PPP4R2: variants seen among roughly 807,000 people sequenced by gnomAD.
PPP4R2 encodes protein phosphatase 4 regulatory subunit 2, also known as serine/threonine-protein phosphatase 4 regulatory subunit 2.
A neutral mutation model predicts 47.2 loss-of-function variants in PPP4R2; 13 were observed. That is an observed-to-expected ratio of 0.28 (90% CI 0.18 to 0.44). The LOEUF is 0.44. PPP4R2 is among the 20% of genes least tolerant of loss of function. PPP4R2 has a pLI of 1.00. For synonymous variants in PPP4R2, 151 were observed against 163.3 expected, an observed-to-expected ratio of 0.92 and a Z score of 0.57; for missense variants, 421 against 491.2, an observed-to-expected ratio of 0.86 and a Z score of 1.35.
At chr3:73,018,010 C>G (rs1465243482) in intron 2 of PPP4R2, among the ~76,000 whole-genome samples, 1 of 152,120 alleles carries the variant, frequency 6.6e-6, no homozygotes, top group Non-Finnish European at 1.5e-5. Context: ...GGTAAACTGG[C>G]TGGGACACTG....
At position 73,065,732 on chromosome 3, in the gene PPP4R2, A is replaced by C. The variant is rs760968120; in HGVS notation, c.*10A>C. ...AATGGAACAAGACTAACTATTTAGAAACATTTAGATGCAGTATTTTACATA... is the reference window on the plus strand; with the variant it reads ...AATGGAACAAGACTAACTATTTAGACACATTTAGATGCAGTATTTTACATA... On this transcript the variant is annotated 3_prime_UTR_variant, in exon 9 of 9. Coordinates refer to ENST00000356692, the MANE Select transcript of PPP4R2 (RefSeq NM_174907.4). 6.4e-7 allele frequency: 1 copy of C among 1,568,388 alleles called. No individual in the cohort carries two copies. Among genetic ancestry groups the C allele is most frequent in the South Asian group, 1.2e-5 (1 of 86,586 alleles).
chr3:73,062,281 G>A, intron 5 of PPP4R2: 1 of 1,607,956 alleles, frequency 6.2e-7, no homozygotes, highest in Non-Finnish European at 8.5e-7. Flanking sequence ...GCAATGGACA[G>A]GAGTGGGCTC....
intron 2 of PPP4R2, among the ~76,000 whole-genome samples, chr3:73,007,810 G>A (rs1384495504): frequency 1.3e-5 from 2 of 152,028 alleles, no homozygotes; most frequent in African/African-American, 4.8e-5. Context: ...TCTTAAGAGG[G>A]AATTTTGTTT....
Position 72,997,003 on chromosome 3 carries a change from A to AG in PPP4R2, c.-32dup. The AG allele has an allele frequency of 7.4e-7, 1 of 1,353,210 alleles. No homozygotes were observed. The highest frequency in any genetic ancestry group is 9.6e-7 in the Non-Finnish European group (1 of 1,037,688). 83.8% of individuals were successfully genotyped at this position (1,353,210 alleles called of 1,614,324 possible). A position where few individuals can be genotyped will look rare whatever the true frequency, so the allele number is the denominator to read the frequency against. Reference sequence around the variant, plus strand: ...GTTCCGGTCCCCAAGAGACCCGCGGAGGGAGGCGGAGGCTGTGAGGGACTC... The same window carrying AG: ...GTTCCGGTCCCCAAGAGACCCGCGGAGGGGAGGCGGAGGCTGTGAGGGACTC... On this transcript the variant is annotated 5_prime_UTR_variant, in exon 1 of 9. Coordinates refer to ENST00000356692, the MANE Select transcript of PPP4R2 (RefSeq NM_174907.4).
At chr3:73,055,688 TCTCA>T (rs1316557624) in intron 3 of PPP4R2, among the ~76,000 whole-genome samples, 1 of 148,342 alleles carries the variant, frequency 6.7e-6, no homozygotes, top group Non-Finnish European at 1.5e-5. Context: ...TTGGAGACAG[TCTCA>T]CTCTTATCAC....
chr3:72,997,204 C>T (rs901217541), intron 1 of PPP4R2, 133 bp downstream of exon 1: 6 of 604,642 alleles, frequency 9.9e-6, no homozygotes, highest in African/African-American at 3.8e-5. Flanking sequence ...TCCCATCCCC[C>T]TCCACCTCCC....
intron 2 of PPP4R2, among the ~76,000 whole-genome samples, chr3:73,032,501 A>G (rs1012002441): frequency 6.6e-6 from 1 of 151,976 alleles, no homozygotes; most frequent in East Asian, 1.9e-4. Flanking sequence ...GTTGGCCAGG[A>G]TGGTCTTGAT....
intron 2 of PPP4R2, among the ~76,000 whole-genome samples, chr3:73,004,117 T>C (rs1701542970): frequency 6.6e-6 from 1 of 152,136 alleles, no homozygotes; most frequent in Non-Finnish European, 1.5e-5. Context: ...ATTACAGGCA[T>C]GAGCCACTGC....
intron 3 of PPP4R2, among the ~76,000 whole-genome samples, chr3:73,054,947 G>A (rs1162352882): frequency 6.6e-6 from 1 of 152,000 alleles, no homozygotes; most frequent in Non-Finnish European, 1.5e-5. Context: ...GTCTTTCCCT[G>A]ATATTCAGCA....
At chr3:73,045,322 C>T (rs764090124) in intron 2 of PPP4R2, among the ~76,000 whole-genome samples, 6 of 151,862 alleles carry the variant, frequency 4.0e-5, no homozygotes, top group African/African-American at 9.7e-5. Context: ...ATTTTTATGT[C>T]GACACTGGTT....
intron 3 of PPP4R2, among the ~76,000 whole-genome samples, chr3:73,050,911 C>CT (rs1702598280): frequency 1.3e-5 from 2 of 151,920 alleles, no homozygotes; most frequent in Non-Finnish European, 2.9e-5. Context: ...TAGATTGTTG[C>CT]CTTTTTTTTA....
intron 2 of PPP4R2, among the ~76,000 whole-genome samples, chr3:73,040,605 A>G (rs942962170): frequency 1.3e-5 from 2 of 150,468 alleles, no homozygotes; most frequent in South Asian, 2.1e-4. Context: ...CCTGGGTTCA[A>G]GCGATTCTTC....
chr3:73,032,631 T>C (rs762369970), intron 2 of PPP4R2, among the ~76,000 whole-genome samples: 1 of 152,200 alleles, frequency 6.6e-6, no homozygotes, highest in Non-Finnish European at 1.5e-5. Context: ...AGTTACTTTT[T>C]CTCTTAATTT....
intron 2 of PPP4R2, among the ~76,000 whole-genome samples, chr3:73,017,314 A>G (rs971392502): frequency 1.3e-5 from 2 of 151,468 alleles, no homozygotes; most frequent in Admixed American, 1.3e-4. Context: ...AGGTAACCAT[A>G]GAGGTATACC....
intron 2 of PPP4R2, among the ~76,000 whole-genome samples, chr3:73,034,976 A>C (rs1702236518): frequency 6.6e-6 from 1 of 152,234 alleles, no homozygotes; most frequent in Non-Finnish European, 1.5e-5. Flanking sequence ...GCTTCCGCAC[A>C]AGGGAAGAGT....
intron 2 of PPP4R2, among the ~76,000 whole-genome samples, chr3:73,010,558 C>A (rs1054501419): frequency 3.3e-5 from 4 of 121,744 alleles, no homozygotes; most frequent in African/African-American, 1.3e-4. Flanking sequence ...TTGTCTCTCT[C>A]GCTCTCTTTT....
chr3:73,062,069 A>T (rs753124726), intron 5 of PPP4R2: 1 of 1,513,492 alleles, frequency 6.6e-7, no homozygotes, highest in Non-Finnish European at 8.9e-7. Flanking sequence ...GAGTCAAGTC[A>T]TAGCGACTAA....
intron 2 of PPP4R2, among the ~76,000 whole-genome samples, chr3:73,003,442 G>C (rs761269933): frequency 1.1e-4 from 16 of 151,728 alleles, no homozygotes; most frequent in Admixed American, 2.0e-4. Flanking sequence ...CGAACTCCTG[G>C]CCTCAAGTGA....
chr3:72,997,530 C>T (rs192939437), intron 1 of PPP4R2: 19 of 168,568 alleles, frequency 1.1e-4, no homozygotes, highest in African/African-American at 4.5e-4. Context: ...TTGAAGTCAT[C>T]TTTCCGCGCC....
Sources: allele counts gnomAD v4.1 joint callset (sites outside exome capture counted in the v4.1 genomes callset), GRCh38; gene constraint gnomAD v4.1.1; transcripts MANE v1.5; gene names NCBI Gene and HGNC (gene_info 2026-07-23, HGNC 2026-07-21).